The following EYS variants were observed in gnomAD, a reference collection of about 807,000 sequenced individuals.
The protein encoded by EYS is protein eyes shut homolog.
EYS carries 250 observed loss-of-function variants against 282.1 expected under a neutral mutation model. The ratio of observed to expected loss-of-function variants is 0.89; its 90% CI spans 0.80 to 0.98. The LOEUF (loss-of-function observed/expected upper bound fraction) is 0.98, where lower values mean the gene tolerates loss of function less well. EYS is among the 50% of genes least tolerant of loss of function. The pLI is 0.00. For synonymous variants in EYS, 1,355 were observed against 1,282.9 expected (o/e 1.06, Z -1.20); for missense variants, 4,016 against 3,709.0 (o/e 1.08, Z -2.15).
intron 29 of EYS, among the ~76,000 whole-genome samples, chr6:64,315,269 T>C (rs1210850469): frequency 6.6e-6 from 1 of 152,180 alleles, no homozygotes; most frequent in Non-Finnish European, 1.5e-5. Context: ...ATTGAGGCAG[T>C]AATTAATAGC....
chr6:65,189,988 T>C (rs1174171025), intron 12 of EYS, among the ~76,000 whole-genome samples: 2 of 151,618 alleles, frequency 1.3e-5, no homozygotes, highest in African/African-American at 4.8e-5. Flanking sequence ...AGAGACAGCA[T>C]GTAGGTCATG....
intron 29 of EYS, among the ~76,000 whole-genome samples, chr6:64,359,875 G>T (rs1771948563): frequency 6.6e-6 from 1 of 151,526 alleles, no homozygotes; most frequent in South Asian, 2.1e-4. Context: ...AATTTTGAGG[G>T]ACACATTCAG....
chr6:64,998,702 TAATA>T (rs1447624505), intron 13 of EYS, among the ~76,000 whole-genome samples: 1 of 152,238 alleles, frequency 6.6e-6, no homozygotes, highest in Non-Finnish European at 1.5e-5. Context: ...TACAAATTGT[TAATA>T]AATAAACAGA....
At chr6:64,028,618 A>G (rs149900188) in intron 33 of EYS, among the ~76,000 whole-genome samples, 2,495 of 152,182 alleles carry the variant, frequency 0.016, 47 homozygotes, top group African/African-American at 0.05. Flanking sequence ...GCTTTTGAGG[A>G]TCCCACAGAC....
rs1583277936 is a variant in EYS, at chr6:64,902,463, G to C, written c.2679C>G (p.Asp893Glu). 6.5e-7 allele frequency: 1 copy of C among 1,535,464 alleles called. No homozygotes were observed. Among genetic ancestry groups the C allele is most frequent in the Non-Finnish European group, 8.7e-7 (1 of 1,142,876 alleles). Residue 893 changes from aspartate (D) to glutamate (E), a missense_variant, in exon 17 of 43, where the codon GAC (aspartate) becomes GAG (glutamate). By Grantham distance (45) the Asp-to-Glu change is conservative. Coordinates refer to ENST00000503581, the MANE Select transcript of EYS (RefSeq NM_001142800.2). ...AATCCTGGCAGGAAAGGAAGAGGCA[G>C]TCTTTCACATCAATTTCACAGTTTT... ...EGKNCEIDVKDCLFLSCQDYG... is the reference protein window; with the variant it reads ...EGKNCEIDVKECLFLSCQDYG...
intron 16 of EYS, among the ~76,000 whole-genome samples, chr6:64,909,181 A>G (rs1387058124): frequency 1.3e-5 from 2 of 152,198 alleles, no homozygotes; most frequent in African/African-American, 4.8e-5. Flanking sequence ...GACTTGACAC[A>G]TCATAGGAAA....
intron 35 of EYS, among the ~76,000 whole-genome samples, chr6:63,947,506 T>C (rs1463775519): frequency 6.6e-6 from 1 of 152,086 alleles, no homozygotes; most frequent in Non-Finnish European, 1.5e-5. Context: ...GGAGAAGAAA[T>C]ACTCTTTATA....
intron 16 of EYS, among the ~76,000 whole-genome samples, chr6:64,908,783 G>A (rs370668798): frequency 1.4e-4 from 21 of 152,116 alleles, no homozygotes; most frequent in African/African-American, 5.1e-4. Flanking sequence ...GTTTGTGAGT[G>A]TGCAAAAGTT....
intron 30 of EYS, among the ~76,000 whole-genome samples, chr6:64,280,835 G>A (rs1489017040): frequency 6.6e-6 from 1 of 152,128 alleles, no homozygotes; most frequent in East Asian, 1.9e-4. Context: ...TTTCATTAAG[G>A]AGTTCTGCAG....
intron 18 of EYS, among the ~76,000 whole-genome samples, chr6:64,889,964 G>T (rs1166823045): frequency 6.6e-6 from 1 of 151,380 alleles, no homozygotes; most frequent in Non-Finnish European, 1.5e-5. Flanking sequence ...GCAACTGGGA[G>T]AAATATCACT....
At chr6:65,221,502 T>C in intron 12 of EYS, among the ~76,000 whole-genome samples, 1 of 152,174 alleles carries the variant, frequency 6.6e-6, no homozygotes, top group East Asian at 1.9e-4. Flanking sequence ...GGCCTGCAGG[T>C]GCATAAAAGT....
At chr6:65,504,283 T>C (rs1309261521) in intron 2 of EYS, among the ~76,000 whole-genome samples, 3 of 151,728 alleles carry the variant, frequency 2.0e-5, no homozygotes, top group Admixed American at 1.3e-4. Context: ...TGACTTTGTA[T>C]ACAGTATTAA....
chr6:65,051,287 T>G (rs549903964), intron 13 of EYS, among the ~76,000 whole-genome samples: 1 of 151,652 alleles, frequency 6.6e-6, no homozygotes, highest in Non-Finnish European at 1.5e-5. Flanking sequence ...TGCAACATTA[T>G]TTTCCCCCAG....
intron 1 of EYS, among the ~76,000 whole-genome samples, chr6:65,655,753 A>G (rs1767799255): frequency 6.6e-6 from 1 of 151,692 alleles, no homozygotes; most frequent in African/African-American, 2.4e-5. Flanking sequence ...AAATTTGGAG[A>G]GATGAGAGTT....
chr6:64,504,023 G>C (rs1323527770), intron 26 of EYS, among the ~76,000 whole-genome samples: 1 of 152,132 alleles, frequency 6.6e-6, no homozygotes, highest in Non-Finnish European at 1.5e-5. Flanking sequence ...AGGGCTCCCA[G>C]TGATGCTTCT....
intron 8 of EYS, among the ~76,000 whole-genome samples, chr6:65,369,822 G>A (rs1320095359): frequency 6.6e-6 from 1 of 151,436 alleles, no homozygotes; most frequent in Non-Finnish European, 1.5e-5. Context: ...ATTACCTAAG[G>A]GGCAAAATCA....
intron 19 of EYS, among the ~76,000 whole-genome samples, chr6:64,828,406 A>C (rs2150026422): frequency 6.6e-6 from 1 of 152,098 alleles, no homozygotes; most frequent in Admixed American, 6.6e-5. Context: ...CAGGCAGTAT[A>C]CAAGCTATTT....
intron 22 of EYS, among the ~76,000 whole-genome samples, chr6:64,691,819 A>G (rs1462159606): frequency 1.3e-5 from 2 of 152,204 alleles, no homozygotes; most frequent in African/African-American, 4.8e-5. Flanking sequence ...TCTTGCTGCA[A>G]AGGACATGAT....
At chr6:64,885,926 C>G (rs1488371494) in intron 19 of EYS, among the ~76,000 whole-genome samples, 1 of 151,724 alleles carries the variant, frequency 6.6e-6, no homozygotes. Context: ...TATTTAACTA[C>G]TCATCCCTCA....
Sources: gnomAD v4.1 joint callset for allele counts (sites outside exome capture counted in the v4.1 genomes callset) on GRCh38, gnomAD v4.1.1 for gene constraint, MANE v1.5 for transcripts, NCBI Gene and HGNC (gene_info 2026-07-23, HGNC 2026-07-21) for gene names.